Variants in CDH12 observed in about 807,000 individuals in gnomAD.
The protein encoded by CDH12 is cadherin 12, also known as cadherin-12.
In CDH12, 41 loss-of-function variants were observed where a neutral mutation model predicts 74.1. The observed-to-expected ratio is 0.55, with a 90% CI of 0.43 to 0.72. The LOEUF (loss-of-function observed/expected upper bound fraction) is 0.72. CDH12 is among the 30% of genes least tolerant of loss of function. CDH12 has a pLI of 0.00. For missense variants in CDH12, 945 were observed against 977.2 expected (o/e 0.97, Z 0.44); for synonymous variants, 399 against 355.0 (o/e 1.12, Z -1.39).
chr5:22,469,269 TA>T (rs1274644428), intron 2 of CDH12, among the ~76,000 whole-genome samples: 1 of 152,178 alleles, frequency 6.6e-6, no homozygotes, highest in Non-Finnish European at 1.5e-5. Context: ...GAAAGTAGAA[TA>T]AACTAAGTGA....
intron 1 of CDH12, among the ~76,000 whole-genome samples, chr5:22,772,509 C>T (rs946238157): frequency 2.0e-5 from 3 of 151,912 alleles, no homozygotes; most frequent in East Asian, 1.9e-4. Flanking sequence ...CTCATTTCAC[C>T]GAGGAATAAA....
intron 3 of CDH12, among the ~76,000 whole-genome samples, chr5:22,390,939 G>T (rs768499675): frequency 6.6e-6 from 1 of 152,118 alleles, no homozygotes; most frequent in Non-Finnish European, 1.5e-5. Flanking sequence ...AATCTCTCTA[G>T]TTACTGATGA....
chr5:22,136,018 T>C (rs1009722298), intron 4 of CDH12, among the ~76,000 whole-genome samples: 9 of 151,978 alleles, frequency 5.9e-5, no homozygotes, highest in Non-Finnish European at 1.2e-4. Context: ...TCAAACACTT[T>C]GGAATTGAAG....
At chr5:22,135,146 T>A (rs1416426966) in intron 4 of CDH12, among the ~76,000 whole-genome samples, 1 of 146,970 alleles carries the variant, frequency 6.8e-6, no homozygotes, top group East Asian at 2.0e-4. Context: ...AGACTATAAG[T>A]GGATGCTGTG....
chr5:22,245,025 A>C (rs1170484201), intron 3 of CDH12, among the ~76,000 whole-genome samples: 1 of 152,164 alleles, frequency 6.6e-6, no homozygotes, highest in East Asian at 1.9e-4. Flanking sequence ...GTGGAGGCGC[A>C]GCAGCCAGGG....
At chr5:22,685,713 C>T (rs1176097522) in intron 1 of CDH12, among the ~76,000 whole-genome samples, 3 of 152,176 alleles carry the variant, frequency 2.0e-5, no homozygotes, top group South Asian at 2.1e-4. Context: ...TCATCAATGT[C>T]GTAACATGCA....
rs1408452333 is a variant in CDH12, at chr5:22,570,042, T to C, written c.-522-64678A>G. Among the ~76,000 whole-genome samples the C allele has an allele frequency of 2.0e-5, 3 of 149,258 alleles. No individual in the cohort carries two copies. The East Asian group carries it at 6.1e-4, about 30-fold the overall frequency. On this transcript the variant is annotated intron_variant, in intron 1 of 14. Coordinates refer to ENST00000382254, the MANE Select transcript of CDH12 (RefSeq NM_004061.5). ...CTTATGAAATGTATTTCGTTTTATT[T>C]ATTTATTTATTTATTTATTTATTTA...
chr5:21,932,333 A>C (rs1754877947), intron 6 of CDH12, among the ~76,000 whole-genome samples: 1 of 152,222 alleles, frequency 6.6e-6, no homozygotes, highest in Non-Finnish European at 1.5e-5. Flanking sequence ...TCTAAAAATG[A>C]AATAAGAATT....
At chr5:22,803,760 T>TC (rs1283083493) in intron 1 of CDH12, among the ~76,000 whole-genome samples, 2 of 152,194 alleles carry the variant, frequency 1.3e-5, no homozygotes, top group Non-Finnish European at 2.9e-5. Context: ...CTTCCTGCTC[T>TC]CCCCAGAAAG....
intron 5 of CDH12, among the ~76,000 whole-genome samples, chr5:22,045,110 T>C (rs1739845032): frequency 6.6e-6 from 1 of 152,100 alleles, no homozygotes; most frequent in African/African-American, 2.4e-5. Context: ...CAACTAATAT[T>C]CCAATTACAA....
At chr5:22,453,613 A>G (rs185387908) in intron 2 of CDH12, among the ~76,000 whole-genome samples, 2 of 152,108 alleles carry the variant, frequency 1.3e-5, no homozygotes, top group African/African-American at 4.8e-5. Flanking sequence ...AGGTTGGTTA[A>G]TAGGTACAAA....
chr5:21,761,499 G>A (rs1744715249), intron 12 of CDH12, among the ~76,000 whole-genome samples: 1 of 152,068 alleles, frequency 6.6e-6, no homozygotes, highest in Non-Finnish European at 1.5e-5. Context: ...CAGAGTGTTG[G>A]CCAGATAATC....
At chr5:22,726,989 C>A (rs2126998221) in intron 1 of CDH12, among the ~76,000 whole-genome samples, 1 of 151,890 alleles carries the variant, frequency 6.6e-6, no homozygotes, top group African/African-American at 2.4e-5. Context: ...GTCCTTAAGG[C>A]ATTTTTCAGA....
intron 1 of CDH12, among the ~76,000 whole-genome samples, chr5:22,792,967 C>T (rs1195034633): frequency 2.6e-5 from 4 of 152,160 alleles, no homozygotes; most frequent in Admixed American, 1.3e-4. Context: ...TTTCACTTTC[C>T]AGGTTGTCAT....
chr5:22,784,642 C>G (rs538083894), intron 1 of CDH12, among the ~76,000 whole-genome samples: 1 of 152,148 alleles, frequency 6.6e-6, no homozygotes, highest in African/African-American at 2.4e-5. Flanking sequence ...CATCCTACTT[C>G]CCTCTACTTG....
At chr5:22,831,367 G>GTGTC (rs1414844767) in intron 1 of CDH12, among the ~76,000 whole-genome samples, 1 of 133,234 alleles carries the variant, frequency 7.5e-6, no homozygotes, top group Non-Finnish European at 1.6e-5. Context: ...GTGTGTGTGT[G>GTGTC]TGTCTGTGTG....
chr5:22,425,172 A>ATATATATATATATATAT (rs1554039892), intron 2 of CDH12, among the ~76,000 whole-genome samples: 2 of 83,452 alleles, frequency 2.4e-5, no homozygotes, highest in Non-Finnish European at 5.0e-5. Flanking sequence ...TATATATATA[A>ATATATATATATATATAT]ATATATATAT....
chr5:22,174,509 G>A (rs1203841018), intron 4 of CDH12, among the ~76,000 whole-genome samples: 1 of 151,882 alleles, frequency 6.6e-6, no homozygotes, highest in Non-Finnish European at 1.5e-5. Flanking sequence ...TAAACTGCAA[G>A]CCTAGAATTT....
intron 5 of CDH12, among the ~76,000 whole-genome samples, chr5:22,013,366 C>T (rs1479521593): frequency 6.6e-6 from 1 of 152,180 alleles, no homozygotes; most frequent in East Asian, 1.9e-4. Context: ...ATTACCTCCA[C>T]CAGGTCCCTC....
Sources: gnomAD v4.1 joint callset for allele counts (sites outside exome capture counted in the v4.1 genomes callset) on GRCh38, gnomAD v4.1.1 for gene constraint, MANE v1.5 for transcripts, NCBI Gene and HGNC (gene_info 2026-07-23, HGNC 2026-07-21) for gene names.